N4BP2L2: variants seen among roughly 807,000 people sequenced by gnomAD.
The protein encoded by N4BP2L2 is NEDD4 binding protein 2 like 2.
N4BP2L2 carries 50 observed loss-of-function variants against 56.2 expected under a neutral mutation model. The observed-to-expected ratio is 0.89, with a 90% confidence interval of 0.71 to 1.13. The LOEUF (loss-of-function observed/expected upper bound fraction) is 1.13, where lower values mean the gene tolerates loss of function less well. N4BP2L2 is among the 50% of genes most tolerant of loss of function. The pLI, the probability that N4BP2L2 is intolerant of heterozygous loss-of-function variation, is 0.00. For missense variants in N4BP2L2, 689 were observed against 693.8 expected (o/e 0.99, Z 0.08); for synonymous variants, 203 against 223.6 (o/e 0.91, Z 0.82).
At chr13:32,446,433 G>T (rs756633267) in intron 6 of N4BP2L2, 4 of 1,357,708 alleles carry the variant, frequency 2.9e-6, no homozygotes, top group Middle Eastern at 2.1e-4. Context: ...AGACTAGTAT[G>T]TCATTCTGAA....
At chr13:32,510,878 A>G (rs2047982658) in exon 6 of N4BP2L2, 1 of 152,168 alleles carries the variant, frequency 6.6e-6, no homozygotes, top group Non-Finnish European at 1.5e-5. Flanking sequence ...TTCCTGATAA[A>G]TCAACATACC....
chr13:32,432,630 A>G (rs1414959640), exon 10 of N4BP2L2: 3 of 152,174 alleles, frequency 2.0e-5, no homozygotes, highest in Non-Finnish European at 4.4e-5. Context: ...AATTCTAGAA[A>G]TGGGATCTCA....
At chr13:32,442,945 T>C (rs774186334) in exon 7 of N4BP2L2, 8 of 1,613,184 alleles carry the variant, frequency 5.0e-6, no homozygotes, top group South Asian at 1.1e-5. Flanking sequence ...TCTATCTTTT[T>C]CTTCTCCCAA....
intron 8 of N4BP2L2, chr13:32,438,623 CAT>C: frequency 5.4e-6 from 8 of 1,486,458 alleles, no homozygotes; most frequent in South Asian, 1.2e-5. Context: ...AACAAAAATA[CAT>C]ACACACACAC....
chr13:32,475,404 G>A (rs1315380050), intron 6 of N4BP2L2, among the ~76,000 whole-genome samples: 2 of 152,070 alleles, frequency 1.3e-5, no homozygotes, highest in Non-Finnish European at 2.9e-5. Flanking sequence ...TCCAAGAGAG[G>A]GTCTCCAAAC....
At chr13:32,456,560 G>T (rs1314526158) in intron 6 of N4BP2L2, among the ~76,000 whole-genome samples, 2 of 152,092 alleles carry the variant, frequency 1.3e-5, no homozygotes, top group Admixed American at 1.3e-4. Context: ...TCCAGAAAAA[G>T]AACTCAAAAT....
At chr13:32,517,360 T>C (rs1046150273) in exon 6 of N4BP2L2, 3 of 988,132 alleles carry the variant, frequency 3.0e-6, no homozygotes, top group Non-Finnish European at 3.6e-6. Context: ...GTCTAATGAA[T>C]AGAGAAAACT....
intron 6 of N4BP2L2, among the ~76,000 whole-genome samples, chr13:32,455,751 G>T (rs1023078856): frequency 1.3e-5 from 2 of 152,138 alleles, no homozygotes; most frequent in African/African-American, 2.4e-5. Flanking sequence ...TGGGGCCTGA[G>T]GATTGCCCCA....
intron 6 of N4BP2L2, among the ~76,000 whole-genome samples, chr13:32,484,791 C>G (rs2085526518): frequency 6.6e-6 from 1 of 152,068 alleles, no homozygotes; most frequent in East Asian, 1.9e-4. Context: ...GGCTGTAATT[C>G]TTTTTAAAAA....
At chr13:32,453,296 A>ACC (rs151009956) in intron 6 of N4BP2L2, among the ~76,000 whole-genome samples, 2,535 of 152,298 alleles carry the variant, frequency 0.017, 28 homozygotes, top group Non-Finnish European at 0.025. Context: ...GTCAGCAAAA[A>ACC]TGGTTGAGTA....
At chr13:32,498,888 C>G (rs1478513013) in intron 6 of N4BP2L2, among the ~76,000 whole-genome samples, 1 of 146,990 alleles carries the variant, frequency 6.8e-6, no homozygotes, top group Non-Finnish European at 1.5e-5. Context: ...CCCAGCTACT[C>G]AGGAGGCTGA....
At chr13:32,525,982 A>G (rs2052610967) in intron 3 of N4BP2L2, among the ~76,000 whole-genome samples, 1 of 146,224 alleles carries the variant, frequency 6.8e-6, no homozygotes, top group Non-Finnish European at 1.5e-5. Flanking sequence ...GCAGCTACTG[A>G]TTAAGCTCAC....
At chr13:32,486,057 T>A (rs1480940919) in intron 6 of N4BP2L2, among the ~76,000 whole-genome samples, 2 of 151,012 alleles carry the variant, frequency 1.3e-5, no homozygotes, top group Admixed American at 1.3e-4. Context: ...CGAACAGAGA[T>A]GTCATCTCAA....
At chr13:32,448,432 G>A (rs1371911821) in intron 6 of N4BP2L2, among the ~76,000 whole-genome samples, 2 of 152,120 alleles carry the variant, frequency 1.3e-5, no homozygotes, top group Non-Finnish European at 2.9e-5. Context: ...AAGAGTTAGA[G>A]GCACAGGATG....
chr13:32,478,138 C>A, intron 6 of N4BP2L2: 1 of 1,038,680 alleles, frequency 9.6e-7, no homozygotes, highest in Non-Finnish European at 1.3e-6. Context: ...TACGCCATGG[C>A]CAGAACATTC....
exon 7 of N4BP2L2, chr13:32,443,148 G>A: frequency 6.2e-7 from 1 of 1,613,810 alleles, no homozygotes; most frequent in Non-Finnish European, 8.5e-7. Flanking sequence ...TTCTGAAGAG[G>A]TTTGTTTCTA....
At chr13:32,469,095 G>C (rs1455153215) in intron 6 of N4BP2L2, among the ~76,000 whole-genome samples, 1 of 152,246 alleles carries the variant, frequency 6.6e-6, no homozygotes, top group Non-Finnish European at 1.5e-5. Flanking sequence ...GGTCCCCCGA[G>C]TGTTCTTTTC....
intron 6 of N4BP2L2, among the ~76,000 whole-genome samples, chr13:32,449,621 G>C (rs11147495): frequency 1.2e-4 from 19 of 152,078 alleles, no homozygotes; most frequent in African/African-American, 3.9e-4. Flanking sequence ...CCAGCTTTCT[G>C]TCCCAATCAT....
In N4BP2L2 at chr13:32,438,047, C is replaced by T. The variant is rs534097623; in HGVS notation, c.2190+605G>A. 3.9e-5 allele frequency among the ~76,000 whole-genome samples: 6 copies of T among 152,150 alleles called. No individual in the cohort carries two copies. In the South Asian group the frequency reaches 8.3e-4, roughly 21 times the overall value. On this transcript the variant is annotated intron_variant, in intron 8 of 9. Transcript: ENST00000357505. ...TTTATGAGCACAATGTATTTTGATA[C>T]GTGTGTACATTGTGTAATGATCAAA...
Sources: gnomAD v4.1 joint callset for allele counts (sites outside exome capture counted in the v4.1 genomes callset) on GRCh38, gnomAD v4.1.1 for gene constraint, MANE v1.5 for transcripts, NCBI Gene and HGNC (gene_info 2026-07-23, HGNC 2026-07-21) for gene names.